Variants in HDX observed in about 807,000 individuals in gnomAD.
The protein encoded by HDX is chromosome X open reading frame 43.
In HDX, 19 loss-of-function variants were observed where a neutral mutation model predicts 45.2. The observed-to-expected ratio is 0.42, with a 90% confidence interval of 0.29 to 0.62. HDX has a LOEUF of 0.62. Ranked by LOEUF, HDX falls within the 20% of genes least tolerant of loss-of-function variation. The pLI is 0.20. For missense variants in HDX, 532 were observed against 493.9 expected (o/e 1.08, Z -0.73); for synonymous variants, 188 against 172.8 (o/e 1.09, Z -0.69).
At chrX:84,481,832 C>A (rs888796583) in intron 2 of HDX, among the ~76,000 whole-genome samples, 13 of 111,321 alleles carry the variant, frequency 1.2e-4, no homozygotes, top group Admixed American at 8.6e-4. Context: ...GAACATAGTA[C>A]CCAGTAGGTA....
intron 5 of HDX, among the ~76,000 whole-genome samples, chrX:84,373,060 T>C (rs2037938871): frequency 8.9e-6 from 1 of 111,735 alleles, no homozygotes; most frequent in African/African-American, 3.3e-5. Flanking sequence ...AACTTGTGGG[T>C]TAATTCATAA....
chrX:84,416,608 C>G (rs1241516901), intron 5 of HDX, among the ~76,000 whole-genome samples: 1 of 110,694 alleles, frequency 9.0e-6, no homozygotes, highest in Admixed American at 9.6e-5. Context: ...CCATTGCATC[C>G]CTAGGATCAT....
intron 7 of HDX, among the ~76,000 whole-genome samples, chrX:84,337,682 G>T (rs768969848): frequency 3.6e-5 from 4 of 111,584 alleles, no homozygotes; most frequent in African/African-American, 1.3e-4. Flanking sequence ...TTTCAGAAGG[G>T]TTATCACTGA....
At chrX:84,355,581 C>G (rs140695794) in intron 6 of HDX, among the ~76,000 whole-genome samples, 1,326 of 110,162 alleles carry the variant, frequency 0.012, 7 homozygotes, top group Non-Finnish European at 0.019. Context: ...AAGCTGGAAA[C>G]CATCATTCTC....
chrX:84,458,365 C>A (rs1047041252), intron 4 of HDX, among the ~76,000 whole-genome samples: 1 of 111,472 alleles, frequency 9.0e-6, no homozygotes, highest in African/African-American at 3.3e-5. Flanking sequence ...TTTTTCTGTA[C>A]AATGTAAATG....
intron 4 of HDX, among the ~76,000 whole-genome samples, chrX:84,442,485 A>G (rs1166537017): frequency 9.0e-6 from 1 of 111,433 alleles, no homozygotes; most frequent in East Asian, 2.8e-4. Flanking sequence ...ATTTTTACTC[A>G]AGATAAAATA....
At chrX:84,405,487 T>C (rs1435237612) in intron 5 of HDX, among the ~76,000 whole-genome samples, 1 of 109,991 alleles carries the variant, frequency 9.1e-6, no homozygotes, top group Non-Finnish European at 1.9e-5. Flanking sequence ...TATTCTGTAA[T>C]GTTTAAAGAG....
intron 5 of HDX, among the ~76,000 whole-genome samples, chrX:84,371,463 G>A (rs749243695): frequency 1.8e-4 from 20 of 112,087 alleles, no homozygotes; most frequent in Non-Finnish European, 3.4e-4. Flanking sequence ...CTTAACAGGA[G>A]AATCACAGGT....
chrX:84,445,902 G>A (rs1240156842), intron 4 of HDX, among the ~76,000 whole-genome samples: 1 of 111,377 alleles, frequency 9.0e-6, no homozygotes, highest in Non-Finnish European at 1.9e-5. Flanking sequence ...AAACCAAAAT[G>A]CTATTTGAAA....
At chrX:84,354,944 T>TATAC (rs1277299137) in intron 6 of HDX, among the ~76,000 whole-genome samples, 2 of 68,482 alleles carry the variant, frequency 2.9e-5, no homozygotes, top group Non-Finnish European at 5.6e-5. Flanking sequence ...TATATATATA[T>TATAC]ATATATATAT....
chrX:84,333,723 C>T, intron 9 of HDX, 36 bp downstream of exon 9: 1 of 609,834 alleles, frequency 1.6e-6, no homozygotes, highest in South Asian at 2.6e-5. Context: ...CATTTAATAC[C>T]TTCTCTTAAT....
intron 5 of HDX, among the ~76,000 whole-genome samples, chrX:84,395,979 A>C (rs780523115): frequency 9.0e-6 from 1 of 111,422 alleles, no homozygotes; most frequent in African/African-American, 3.3e-5. Flanking sequence ...ATTCCTGTAT[A>C]TTGGTTTTCG....
Position 84,468,726 on chromosome X carries a change from G to A in HDX, c.997C>T (p.Leu333Phe), listed in dbSNP as rs780834986. ...YSRFYESGSSLRAENQSTTLP... is the reference protein window; with the variant it reads ...YSRFYESGSSFRAENQSTTLP... ...GTTGTACTTTGGTTCTCAGCTCGAA[G>A]GGAACTGCCACTTTCATAAAATCTC... The change falls in exon 4 of 11, where the codon CTT becomes TTT. Residue 333 changes from leucine (L) to phenylalanine (F), a missense_variant. Physicochemically the swap from Leu to Phe is conservative, Grantham distance 22 (BLOSUM62 0). This residue lies in a region of HDX where 376 missense variants were observed against 343.7 expected (regional missense o/e 1.09). Coordinates refer to ENST00000373177, the MANE Select transcript of HDX (RefSeq NM_001177479.2). 7 of 1,209,793 alleles carry A rather than the reference G, an allele frequency of 5.8e-6. No individual in the cohort carries two copies. The highest frequency in any genetic ancestry group is 1.8e-5 in the African/African-American group (1 of 57,118).
At chrX:84,361,353 G>A in intron 6 of HDX, 113 bp downstream of exon 6, 1 of 585,442 alleles carries the variant, frequency 1.7e-6, no homozygotes, top group East Asian at 3.6e-5. Flanking sequence ...TATCCTGTGG[G>A]TTATCTTTTC....
intron 6 of HDX, among the ~76,000 whole-genome samples, chrX:84,345,384 A>G (rs1569285106): frequency 9.0e-6 from 1 of 111,470 alleles, no homozygotes; most frequent in Non-Finnish European, 1.9e-5. Flanking sequence ...AAATGGAATC[A>G]TGCAGCATGT....
chrX:84,372,763 T>C (rs750877251), intron 5 of HDX, among the ~76,000 whole-genome samples: 1 of 111,725 alleles, frequency 9.0e-6, no homozygotes, highest in East Asian at 2.8e-4. Flanking sequence ...ATGGGAAAGC[T>C]TCTGCAATGT....
chrX:84,411,481 T>G (rs973637868), intron 5 of HDX, among the ~76,000 whole-genome samples: 2 of 111,963 alleles, frequency 1.8e-5, no homozygotes, highest in African/African-American at 6.5e-5. Context: ...TGAGCATTAT[T>G]CTTTGTATTG....
In HDX at chrX:84,370,778, C is replaced by G. The variant is rs1220024109; in HGVS notation, c.1306-9166G>C. 2.7e-5 allele frequency among the ~76,000 whole-genome samples: 3 copies of G among 112,107 alleles called. No homozygotes were observed. In the Admixed American group the frequency reaches 2.8e-4, roughly 11 times the overall value. ...TGATAAGCAGAAGTGGAACAAGACC[C>G]CCTATTATCATAGCTAAGCTTAAAA... is the stretch of plus-strand genomic sequence containing the variant. On this transcript the variant is annotated intron_variant, in intron 5 of 10. Coordinates refer to ENST00000373177, the MANE Select transcript of HDX (RefSeq NM_001177479.2).
intron 5 of HDX, among the ~76,000 whole-genome samples, chrX:84,415,931 C>T (rs2039093089): frequency 8.9e-6 from 1 of 112,105 alleles, no homozygotes; most frequent in Non-Finnish European, 1.9e-5. Flanking sequence ...ATTTGATGTT[C>T]ATAACTAGGC....
Sources: allele counts gnomAD v4.1 joint callset (sites outside exome capture counted in the v4.1 genomes callset), GRCh38; gene constraint gnomAD v4.1.1; regional missense constraint gnomAD v4.1.1; transcripts MANE v1.5; gene names NCBI Gene and HGNC (gene_info 2026-07-23, HGNC 2026-07-21).